The following MAP7D3 variants were observed in gnomAD, a reference collection of about 807,000 sequenced individuals.
MAP7D3 encodes MAP7 domain containing 3.
In MAP7D3, 45 loss-of-function variants were observed where a neutral mutation model predicts 62.2. The ratio of observed to expected loss-of-function variants is 0.72; its 90% CI spans 0.57 to 0.93. The LOEUF is 0.93. Among genes scored for constraint, MAP7D3 ranks in the 40% least tolerant of loss-of-function variants. The pLI, the probability that MAP7D3 is intolerant of heterozygous loss-of-function variation, is 0.00. For missense variants in MAP7D3, 711 were observed against 683.1 expected (o/e 1.04, Z -0.45); for synonymous variants, 288 against 248.8 (o/e 1.16, Z -1.48).
Position 136,230,380 on chromosome X carries a change from C to T in MAP7D3, c.1750+5G>A, listed in dbSNP as rs750047861. 9.0e-7 allele frequency: 1 copy of T among 1,113,447 alleles called. No individual in the cohort carries two copies. The highest frequency in any genetic ancestry group is 1.8e-5 in the African/African-American group (1 of 54,985). The allele number at this position is 1,113,447 out of a possible 1,213,427, so 91.8% of individuals were successfully genotyped here. On this transcript the variant is annotated splice_donor_5th_base_variant and intron_variant, in intron 10 of 18. Coordinates refer to ENST00000316077, the MANE Select transcript of MAP7D3 (RefSeq NM_024597.4). ...TAAGATAAACTTCTTAGTGAAAGAA[C>T]TTACCTTCATAGATCATATGCCTTT...
At chrX:136,222,970 A>G (rs1158569497) in intron 14 of MAP7D3, among the ~76,000 whole-genome samples, 1 of 110,263 alleles carries the variant, frequency 9.1e-6, no homozygotes, top group East Asian at 2.8e-4. Context: ...CCTCCCAAGT[A>G]GCTGGGACTA....
At chrX:136,216,041 T>C (rs2074059130), downstream of MAP7D3, among the ~76,000 whole-genome samples, 1 of 111,392 alleles carries the variant, frequency 9.0e-6, no homozygotes, top group Non-Finnish European at 1.9e-5. Flanking sequence ...TTTTAGGTTA[T>C]ATGATTTTTA....
upstream of MAP7D3, among the ~76,000 whole-genome samples, chrX:136,252,926 C>T (rs771886432): frequency 6.3e-4 from 69 of 108,917 alleles, no homozygotes; most frequent in African/African-American, 2.2e-3. Flanking sequence ...GGGGAAACCC[C>T]GTCTCTAGTA....
At chrX:136,251,492 C>T, upstream of MAP7D3, 1 of 814,967 alleles carries the variant, frequency 1.2e-6, no homozygotes, top group Non-Finnish European at 1.5e-6. Flanking sequence ...GCCCGAAGGG[C>T]CACCGCGCCC....
At chrX:136,244,363 T>C (rs907764926) in intron 4 of MAP7D3, among the ~76,000 whole-genome samples, 17 of 111,592 alleles carry the variant, frequency 1.5e-4, no homozygotes, top group Admixed American at 5.7e-4. Flanking sequence ...AGGTACCTCA[T>C]GTGCCAAGTC....
intron 15 of MAP7D3, 26 bp from the exon 16 acceptor site, chrX:136,220,989 A>G (rs2074120018): frequency 9.5e-7 from 1 of 1,055,150 alleles, no homozygotes. Flanking sequence ...ACACAATTAA[A>G]TATGGAGTTT....
upstream of MAP7D3, among the ~76,000 whole-genome samples, chrX:136,252,989 TC>T (rs2074530096): frequency 1.8e-5 from 2 of 109,770 alleles, no homozygotes; most frequent in African/African-American, 6.7e-5. Flanking sequence ...TCCCAGCTGC[TC>T]GGGAGGCTGA....
At chrX:136,234,867 A>T (rs182195838) in intron 7 of MAP7D3, among the ~76,000 whole-genome samples, 1 of 111,888 alleles carries the variant, frequency 8.9e-6, no homozygotes, top group East Asian at 2.8e-4. Flanking sequence ...TATGATGAGA[A>T]CAAATCCAAA....
Position 136,256,473 on chromosome X carries a change from A to G in MAP7D3, c.-154T>C, listed in dbSNP as rs1379739449. ...TAATTTCAACAGGCTGCTCTGTACC[A>G]TTTCCTTTTAGGTCTTCCCTGGGGT... On this transcript the variant is annotated 5_prime_UTR_variant, in exon 1 of 19. Coordinates refer to the MAP7D3 transcript ENST00000370663. The G allele has an allele frequency of 9.7e-6, 5 of 513,070 alleles. No individual in the cohort carries two copies. The Admixed American group carries it at 1.6e-4, about 17-fold the overall frequency. 42.3% of individuals were successfully genotyped at this position (513,070 alleles called of 1,213,427 possible). A position where few individuals can be genotyped will look rare whatever the true frequency, so the allele number is the denominator to read the frequency against.
intron 3 of MAP7D3, 28 bp from the exon 4 acceptor site, chrX:136,244,823 G>A (rs1394589807): frequency 1.8e-6 from 2 of 1,110,259 alleles, no homozygotes; most frequent in African/African-American, 1.8e-5. Flanking sequence ...CATTTTCAAG[G>A]TGTAAGAGCC....
At chrX:136,238,006 G>A (rs2074349397) in intron 6 of MAP7D3, among the ~76,000 whole-genome samples, 1 of 110,610 alleles carries the variant, frequency 9.0e-6, no homozygotes, top group African/African-American at 3.3e-5. Context: ...ATAGTTTGCT[G>A]AGAATGATGG....
chrX:136,243,535 T>C (rs980538223), intron 4 of MAP7D3, among the ~76,000 whole-genome samples: 2 of 110,936 alleles, frequency 1.8e-5, no homozygotes, highest in Non-Finnish European at 1.9e-5. Flanking sequence ...AACCCCCATC[T>C]CTACTAAAAA....
chrX:136,232,041 G>T lies in MAP7D3; in HGVS notation c.916C>A (p.Pro306Thr), dbSNP rs1330083023. 1.7e-6 allele frequency: 2 copies of T among 1,208,262 alleles called. No homozygotes were observed. The highest frequency in any genetic ancestry group is 2.2e-6 in the Non-Finnish European group (2 of 894,121). Residue 306 changes from proline to threonine, a missense_variant, in exon 8 of 19, where the codon CCC becomes ACC. Pro to Thr is a conservative substitution (Grantham distance 38, BLOSUM62 -1). Transcript: ENST00000316077. ...ETPPKASVDA[P>T]PQVNVEVFCN... Reference sequence around the variant, plus strand: ...AATACTTCCACATTCACCTGGGGGGGTGCATCCACACTTGCCTTGGGAGGT... The same window carrying T: ...AATACTTCCACATTCACCTGGGGGGTTGCATCCACACTTGCCTTGGGAGGT...
In MAP7D3 at chrX:136,250,724, G is replaced by A. The variant is rs779470595; in HGVS notation, c.70+565C>T. Among the ~76,000 whole-genome samples the A allele has an allele frequency of 1.8e-4, 20 of 112,217 alleles. No homozygotes were observed. In the South Asian group the frequency reaches 2.2e-3, roughly 12 times the overall value. ...GTGCAGGAGGTAAGCCTTTGGGAGAGGCAAGGACTGCGACAGTAAAAGCGC... is the reference window on the plus strand; with the variant it reads ...GTGCAGGAGGTAAGCCTTTGGGAGAAGCAAGGACTGCGACAGTAAAAGCGC... On this transcript the variant is annotated intron_variant, in intron 1 of 18. Transcript: ENST00000316077.
Position 136,240,541 on chromosome X carries a change from T to A in MAP7D3, c.536-55A>T. The stretch of plus-strand genomic sequence containing the variant: ...CATATTTCAAGGAGGAAAGAATCAT[T>A]AACTGAAAAAAAAATGAGTTTTCAT... On this transcript the variant is annotated intron_variant, in intron 5 of 18. Transcript: ENST00000316077. 9 of 809,576 alleles carry A rather than the reference T, an allele frequency of 1.1e-5. No homozygotes were observed. In the Admixed American group the frequency reaches 1.2e-4, roughly 11 times the overall value. 66.7% of individuals were successfully genotyped at this position (809,576 alleles called of 1,213,427 possible). A position where few individuals can be genotyped will look rare whatever the true frequency, so the allele number is the denominator to read the frequency against.
chrX:136,216,373 A>G (rs201639322), downstream of MAP7D3, among the ~76,000 whole-genome samples: 2 of 105,055 alleles, frequency 1.9e-5, no homozygotes, highest in Admixed American at 2.1e-4. Flanking sequence ...AAAAAAAAAA[A>G]AAAAAAAAGA....
intron 12 of MAP7D3, among the ~76,000 whole-genome samples, chrX:136,226,608 G>A (rs1293629668): frequency 9.0e-6 from 1 of 111,704 alleles, no homozygotes; most frequent in African/African-American, 3.3e-5. Context: ...TGTTACAGGG[G>A]TGTAAGGTCC....
chrX:136,231,919 C>T lies in MAP7D3; in HGVS notation c.1038G>A (p.Ser346=), dbSNP rs774553997. The part of the protein sequence containing the change: ...DSFPVVSVDV[S]PVVSTYDSEM... ...CAGAATCATATGTGCTCACCACAGGCGACACGTCCACGCTCACCACAGGGA... is the reference window on the plus strand; with the variant it reads ...CAGAATCATATGTGCTCACCACAGGTGACACGTCCACGCTCACCACAGGGA... The change falls in exon 8 of 19, where the codon TCG becomes TCA. Residue 346 remains serine, a synonymous_variant. Transcript: ENST00000316077. The T allele has an allele frequency of 3.3e-6, 4 of 1,211,042 alleles. No individual in the cohort carries two copies. Among genetic ancestry groups the T allele is most frequent in the Non-Finnish European group, 2.2e-6 (2 of 895,203 alleles).
At chrX:136,229,993 A>T (rs5930904) in intron 10 of MAP7D3, among the ~76,000 whole-genome samples, 11,925 of 48,108 alleles carry the variant, frequency 0.25, 1,558 homozygotes, top group Admixed American at 0.28. Flanking sequence ...ATATATATAT[A>T]TTTTTTTTTT....
Sources: allele counts gnomAD v4.1 joint callset (sites outside exome capture counted in the v4.1 genomes callset), GRCh38; gene constraint gnomAD v4.1.1; transcripts MANE v1.5; gene names NCBI Gene and HGNC (gene_info 2026-07-23, HGNC 2026-07-21).